The following RPH3A variants were observed in gnomAD, a reference collection of about 807,000 sequenced individuals.
The protein encoded by RPH3A is rabphilin 3A.
In RPH3A, 48 loss-of-function variants were observed where a neutral mutation model predicts 102.2. The ratio of observed to expected loss-of-function variants is 0.47; its 90% CI spans 0.37 to 0.60. RPH3A has a LOEUF of 0.60. Among genes scored for constraint, RPH3A ranks in the 20% least tolerant of loss-of-function variants. RPH3A has a pLI of 0.00. For synonymous variants in RPH3A, 310 were observed against 324.3 expected (o/e 0.96, Z 0.47); for missense variants, 781 against 910.1 (o/e 0.86, Z 1.83).
At chr12:112,669,908 A>G (rs1000894394) in intron 1 of RPH3A, among the ~76,000 whole-genome samples, 5 of 152,182 alleles carry the variant, frequency 3.3e-5, no homozygotes, top group African/African-American at 9.7e-5. Flanking sequence ...TCTTTGCTGG[A>G]TATTATAGCA....
At chr12:112,737,056 G>A (rs771439711) in intron 1 of RPH3A, among the ~76,000 whole-genome samples, 1 of 151,504 alleles carries the variant, frequency 6.6e-6, no homozygotes, top group Non-Finnish European at 1.5e-5. Flanking sequence ...TCAGGAGGCT[G>A]AGGTGGAAGG....
intron 5 of RPH3A, 31 bp downstream of exon 5, chr12:112,847,873 A>T (rs374248398): frequency 1.8e-5 from 29 of 1,609,230 alleles, no homozygotes; most frequent in Non-Finnish European, 2.0e-5. Flanking sequence ...TTCACCCCAG[A>T]GCTGCTGTGG....
At chr12:112,580,219 G>C (rs2039387699) in intron 1 of RPH3A, among the ~76,000 whole-genome samples, 1 of 150,976 alleles carries the variant, frequency 6.6e-6, no homozygotes, top group South Asian at 2.1e-4. Context: ...CTCTCTCCAC[G>C]TCTCTCTGGA....
intron 1 of RPH3A, among the ~76,000 whole-genome samples, chr12:112,697,376 C>T (rs1306292830): frequency 6.6e-6 from 1 of 151,864 alleles, no homozygotes; most frequent in Non-Finnish European, 1.5e-5. Flanking sequence ...TATGATAGTA[C>T]CAAGAACATG....
intron 2 of RPH3A, among the ~76,000 whole-genome samples, chr12:112,817,851 T>C (rs1420672643): frequency 1.3e-5 from 2 of 152,146 alleles, no homozygotes; most frequent in Non-Finnish European, 2.9e-5. Context: ...TCAAGGGGGT[T>C]GCTGAAGGCT....
chr12:112,606,896 A>G (rs1458221937), intron 1 of RPH3A, among the ~76,000 whole-genome samples: 1 of 152,190 alleles, frequency 6.6e-6, no homozygotes. Flanking sequence ...GTTGAGGATT[A>G]CAATTCAACA....
intron 19 of RPH3A, chr12:112,894,270 T>C (rs2043144630): frequency 2.4e-6 from 1 of 410,022 alleles, no homozygotes; most frequent in Admixed American, 4.5e-5. Flanking sequence ...AGATGCAACA[T>C]CTGGATTCAA....
chr12:112,762,054 T>C (rs189264253), intron 1 of RPH3A, among the ~76,000 whole-genome samples: 2 of 152,366 alleles, frequency 1.3e-5, no homozygotes, highest in Non-Finnish European at 2.9e-5. Context: ...CATAGAGAGA[T>C]GTGTGGAATC....
intron 13 of RPH3A, among the ~76,000 whole-genome samples, chr12:112,877,367 C>T (rs2042821102): frequency 6.6e-6 from 1 of 150,916 alleles, no homozygotes; most frequent in African/African-American, 2.5e-5. Flanking sequence ...ACCTATCCCA[C>T]CCAGGCCCCA....
chr12:112,626,353 AATTT>A (rs2039767119), intron 1 of RPH3A, among the ~76,000 whole-genome samples: 1 of 14,122 alleles, frequency 7.1e-5, no homozygotes, highest in African/African-American at 3.1e-4. Flanking sequence ...AACTCAAACA[AATTT>A]ACAAGAAAAA....
intron 1 of RPH3A, among the ~76,000 whole-genome samples, chr12:112,605,063 T>C (rs563621569): frequency 6.6e-6 from 1 of 152,298 alleles, no homozygotes; most frequent in Non-Finnish European, 1.5e-5. Flanking sequence ...TATCAAATAA[T>C]CTGTAGACAT....
Position 112,875,005 on chromosome 12 carries a change from G to T in RPH3A, c.797-79G>T, listed in dbSNP as rs1483265711. 6.4e-6 allele frequency: 8 copies of T among 1,250,986 alleles called. No individual in the cohort carries two copies. In the African/African-American group the frequency reaches 1.2e-4, roughly 19 times the overall value. 77.5% of individuals were successfully genotyped at this position (1,250,986 alleles called of 1,614,324 possible). ...AGTCCAAGGGGCTCACCCCACACCA[G>T]CTGAGTGGTCCCAAGCTCCTTCCTG... On this transcript the variant is annotated intron_variant, in intron 10 of 21. Transcript: ENST00000389385.
intron 1 of RPH3A, among the ~76,000 whole-genome samples, chr12:112,576,280 G>A (rs760548903): frequency 6.6e-6 from 1 of 152,198 alleles, no homozygotes; most frequent in Non-Finnish European, 1.5e-5. Context: ...CGCCAGGAGC[G>A]CTGCCAGGCA....
chr12:112,887,382 A>G (rs193168897), intron 16 of RPH3A, among the ~76,000 whole-genome samples: 14 of 152,370 alleles, frequency 9.2e-5, no homozygotes, highest in African/African-American at 3.4e-4. Context: ...AACATAAAAG[A>G]GTCTATATTA....
At chr12:112,713,766 C>T (rs2040496567) in intron 1 of RPH3A, among the ~76,000 whole-genome samples, 1 of 152,156 alleles carries the variant, frequency 6.6e-6, no homozygotes, top group African/African-American at 2.4e-5. Context: ...TTTGAAAGGA[C>T]TCAAGGGATG....
At chr12:112,743,268 C>T (rs927703902) in intron 1 of RPH3A, among the ~76,000 whole-genome samples, 5 of 152,212 alleles carry the variant, frequency 3.3e-5, no homozygotes, top group South Asian at 2.1e-4. Flanking sequence ...CCTACCGCAG[C>T]GTGGAACACT....
At chr12:112,881,427 A>G (rs2042908836) in intron 14 of RPH3A, among the ~76,000 whole-genome samples, 1 of 152,162 alleles carries the variant, frequency 6.6e-6, no homozygotes, top group Non-Finnish European at 1.5e-5. Context: ...AGTGTGTACC[A>G]TATGCCAGCA....
chr12:112,870,100 G>C lies in RPH3A; in HGVS notation c.796+61G>C, dbSNP rs139159866. On this transcript the variant is annotated intron_variant, in intron 10 of 21. Coordinates refer to ENST00000389385, the MANE Select transcript of RPH3A (RefSeq NM_001143854.2). ...GGATAGGGAGACTCAAAAAGAATGA[G>C]GGGAACTGTGTTTTTATTCATTTAC... 259 of 1,502,752 alleles carry C rather than the reference G, an allele frequency of 1.7e-4. 2 individuals carry two copies. The African/African-American group carries it at 3.0e-3, about 18-fold the overall frequency. The allele number at this position is 1,502,752 out of a possible 1,614,324, so 93.1% of individuals were successfully genotyped here. A position where few individuals can be genotyped will look rare whatever the true frequency, so the allele number is the denominator to read the frequency against.
At chr12:112,764,195 C>T (rs985518136) in intron 1 of RPH3A, among the ~76,000 whole-genome samples, 2 of 152,160 alleles carry the variant, frequency 1.3e-5, no homozygotes, top group Admixed American at 1.3e-4. Flanking sequence ...AATTCAGGAG[C>T]CTTCAGAATG....
Sources: gnomAD v4.1 joint callset for allele counts (sites outside exome capture counted in the v4.1 genomes callset) on GRCh38, gnomAD v4.1.1 for gene constraint, MANE v1.5 for transcripts, NCBI Gene and HGNC (gene_info 2026-07-23, HGNC 2026-07-21) for gene names.